The following PDE4B variants were observed in gnomAD, a reference collection of about 807,000 sequenced individuals.
PDE4B encodes 3',5'-cyclic-AMP phosphodiesterase 4B.
In PDE4B, 20 loss-of-function variants were observed where a neutral mutation model predicts 82.2. That is an observed-to-expected ratio of 0.24 (90% CI 0.17 to 0.35). The LOEUF (loss-of-function observed/expected upper bound fraction) is 0.35. Among genes scored for constraint, PDE4B ranks in the 10% least tolerant of loss-of-function variants. The pLI, the probability that PDE4B is intolerant of heterozygous loss-of-function variation, is 1.00. For missense variants in PDE4B, 655 were observed against 907.2 expected (o/e 0.72, Z 3.57); for synonymous variants, 320 against 318.9 (o/e 1.00, Z -0.04).
chr1:66,205,953 C>T (rs1479140378), intron 3 of PDE4B, among the ~76,000 whole-genome samples: 1 of 152,170 alleles, frequency 6.6e-6, no homozygotes, highest in East Asian at 1.9e-4. Context: ...CAGGGACTTT[C>T]TAGACACTCA....
At chr1:65,890,032 G>GA (rs1646835852) in intron 1 of PDE4B, among the ~76,000 whole-genome samples, 1 of 151,752 alleles carries the variant, frequency 6.6e-6, no homozygotes, top group Non-Finnish European at 1.5e-5. Context: ...AGTCACTAAT[G>GA]AAAAAATATC....
intron 3 of PDE4B, among the ~76,000 whole-genome samples, chr1:66,241,182 G>A (rs928069147): frequency 6.6e-6 from 1 of 152,238 alleles, no homozygotes; most frequent in African/African-American, 2.4e-5. Context: ...TGGCATAACT[G>A]TAATATTCTG....
At chr1:66,348,449 G>A (rs1661572626) in intron 8 of PDE4B, among the ~76,000 whole-genome samples, 1 of 152,050 alleles carries the variant, frequency 6.6e-6, no homozygotes, top group African/African-American at 2.4e-5. Flanking sequence ...GAAGGATCAA[G>A]TATATGAAAT....
intron 3 of PDE4B, among the ~76,000 whole-genome samples, chr1:66,212,478 C>T (rs2101579765): frequency 6.6e-6 from 1 of 152,274 alleles, no homozygotes; most frequent in East Asian, 1.9e-4. Context: ...TCACATTCTC[C>T]AGGAGGCCTA....
chr1:65,936,090 C>T (rs1178042916), intron 3 of PDE4B, among the ~76,000 whole-genome samples: 2 of 151,784 alleles, frequency 1.3e-5, no homozygotes, highest in Non-Finnish European at 2.9e-5. Flanking sequence ...GACACAAGCA[C>T]ACACAATAGC....
intron 3 of PDE4B, among the ~76,000 whole-genome samples, chr1:66,213,863 C>T (rs759974628): frequency 6.6e-6 from 1 of 152,084 alleles, no homozygotes; most frequent in Non-Finnish European, 1.5e-5. Context: ...ATATGATTAC[C>T]TGATTATCTC....
At chr1:65,949,243 C>T (rs1372548622) in intron 3 of PDE4B, among the ~76,000 whole-genome samples, 1 of 152,088 alleles carries the variant, frequency 6.6e-6, no homozygotes, top group African/African-American at 2.4e-5. Flanking sequence ...GTCTTATGGG[C>T]CTCCCTAAGG....
At chr1:66,040,363 C>T (rs1482536523) in intron 3 of PDE4B, among the ~76,000 whole-genome samples, 2 of 151,962 alleles carry the variant, frequency 1.3e-5, no homozygotes, top group East Asian at 1.9e-4. Flanking sequence ...TCCTAACTCA[C>T]CAGGAAGAAG....
chr1:66,090,097 T>A (rs1360396904), intron 3 of PDE4B, among the ~76,000 whole-genome samples: 1 of 152,048 alleles, frequency 6.6e-6, no homozygotes, highest in Non-Finnish European at 1.5e-5. Flanking sequence ...TTGGTTGGTA[T>A]CATGGAAGAG....
At position 66,361,752 on chromosome 1, in the gene PDE4B, C is replaced by A; in HGVS notation, c.979C>A (p.Arg327Ser). ...SSSLNNTSISRFGVNTENEDH... is the reference protein window; with the variant it reads ...SSSLNNTSISSFGVNTENEDH... ...AAGCCTAAACAATACAAGCATCTCACGCTTTGGAGTCAACACTGAAAATGA... is the reference window on the plus strand; with the variant it reads ...AAGCCTAAACAATACAAGCATCTCAAGCTTTGGAGTCAACACTGAAAATGA... The change falls in exon 10 of 17, where the codon CGC becomes AGC. Residue 327 changes from arginine to serine, a missense_variant. Physicochemically the swap from Arg to Ser is moderately radical, Grantham distance 110 (BLOSUM62 -1). Around this residue, in one of 3 missense-constraint regions of PDE4B, gnomAD observed 283 missense variants for 516.4 expected, o/e 0.55. Coordinates refer to ENST00000341517, the MANE Select transcript of PDE4B (RefSeq NM_002600.4). 6.2e-7 allele frequency: 1 copy of A among 1,613,026 alleles called. No individual in the cohort carries two copies. Among genetic ancestry groups the A allele is most frequent in the Non-Finnish European group, 8.5e-7 (1 of 1,179,318 alleles).
rs550231764 is a variant in PDE4B, at chr1:66,103,012, A to AT, written c.282-144441dup. Among the ~76,000 whole-genome samples the AT allele has an allele frequency of 2.9e-4, 44 of 152,194 alleles. No individual in the cohort carries two copies. The East Asian group carries it at 7.3e-3, about 25-fold the overall frequency. The stretch of plus-strand genomic sequence containing the variant: ...TCCTATGGTTCTTTATGAAAACAGT[A>AT]TTTTTTTATAAAACTGATCAATTAA... On this transcript the variant is annotated intron_variant, in intron 3 of 16. Coordinates refer to ENST00000341517, the MANE Select transcript of PDE4B (RefSeq NM_002600.4).
chr1:66,090,374 G>A (rs545468672), intron 3 of PDE4B, among the ~76,000 whole-genome samples: 1 of 151,750 alleles, frequency 6.6e-6, no homozygotes, highest in East Asian at 1.9e-4. Flanking sequence ...CATCAATAAT[G>A]TACCATCAAG....
chr1:65,985,096 A>G (rs963918035), intron 3 of PDE4B, among the ~76,000 whole-genome samples: 3 of 152,192 alleles, frequency 2.0e-5, no homozygotes, highest in Admixed American at 2.0e-4. Flanking sequence ...GTGAAAAACA[A>G]ATCTTGAAAT....
chr1:66,362,274 G>A (rs953323464), intron 10 of PDE4B, among the ~76,000 whole-genome samples: 3 of 152,138 alleles, frequency 2.0e-5, no homozygotes, highest in Non-Finnish European at 4.4e-5. Flanking sequence ...GCACTAATCT[G>A]TAGTGCTGGA....
At chr1:65,901,808 T>G (rs1646974787) in intron 1 of PDE4B, among the ~76,000 whole-genome samples, 1 of 152,006 alleles carries the variant, frequency 6.6e-6, no homozygotes, top group South Asian at 2.1e-4. Context: ...CTGCTCTGAT[T>G]TGAGTTATGT....
intron 6 of PDE4B, among the ~76,000 whole-genome samples, chr1:66,263,611 A>G (rs1483778974): frequency 1.3e-5 from 2 of 152,214 alleles, no homozygotes; most frequent in Non-Finnish European, 2.9e-5. Context: ...CCTGCCATCA[A>G]CAGGTCACAG....
chr1:66,221,521 G>A (rs1160407619), intron 3 of PDE4B, among the ~76,000 whole-genome samples: 1 of 152,158 alleles, frequency 6.6e-6, no homozygotes, highest in Non-Finnish European at 1.5e-5. Flanking sequence ...GCAACACTCT[G>A]AAATATACAG....
chr1:65,811,315 T>A (rs956588194), intron 1 of PDE4B, among the ~76,000 whole-genome samples: 1 of 152,248 alleles, frequency 6.6e-6, no homozygotes, highest in Non-Finnish European at 1.5e-5. Flanking sequence ...TTGTTGTATT[T>A]CATGGACTAC....
intron 3 of PDE4B, among the ~76,000 whole-genome samples, chr1:66,200,288 C>T (rs1050871238): frequency 2.6e-5 from 4 of 152,102 alleles, no homozygotes; most frequent in East Asian, 1.9e-4. Flanking sequence ...GTGATGCCTC[C>T]AGCTTTGTTC....
Sources: gnomAD v4.1 joint callset for allele counts (sites outside exome capture counted in the v4.1 genomes callset) on GRCh38, gnomAD v4.1.1 for gene constraint, gnomAD v4.1.1 regional missense constraint, MANE v1.5 for transcripts, NCBI Gene and HGNC (gene_info 2026-07-23, HGNC 2026-07-21) for gene names.